Variants in ZBTB20 observed in about 807,000 individuals in gnomAD.
ZBTB20 encodes zinc finger and BTB domain-containing protein 20.
A neutral mutation model predicts 56.9 loss-of-function variants in ZBTB20; 9 were observed. That is an observed-to-expected ratio of 0.16 (90% confidence interval 0.10 to 0.28). The LOEUF is 0.28. ZBTB20 is among the 10% of genes least tolerant of loss of function. The pLI is 1.00. For missense variants in ZBTB20, 655 were observed against 1,003.0 expected (o/e 0.65, Z 4.69); for synonymous variants, 417 against 420.7 (o/e 0.99, Z 0.11).
At chr3:114,544,457 CTTTCTTTCTTTCTTTCTTTCTTTT>C (rs2049567790) in intron 6 of ZBTB20, among the ~76,000 whole-genome samples, 1 of 92,744 alleles carries the variant, frequency 1.1e-5, no homozygotes, top group Non-Finnish European at 2.1e-5. Flanking sequence ...TTCTTTCTTT[CTTTCTTTCTTTCTTTCTTTCTTTT>C]TCTTTCACTT....
chr3:115,053,468 C>T (rs2081629760), intron 2 of ZBTB20, among the ~76,000 whole-genome samples: 1 of 152,200 alleles, frequency 6.6e-6, no homozygotes, highest in African/African-American at 2.4e-5. Flanking sequence ...CCAACCATAA[C>T]TCCAATCTCA....
chr3:114,920,855 GA>G (rs1237925870), intron 3 of ZBTB20, among the ~76,000 whole-genome samples: 2 of 151,210 alleles, frequency 1.3e-5, no homozygotes, highest in Non-Finnish European at 2.9e-5. Context: ...ATTACCCAAG[GA>G]AAAAAAGAAA....
At chr3:114,655,242 CTTTTTTTTTTT>C (rs3085998) in intron 6 of ZBTB20, among the ~76,000 whole-genome samples, 1 of 91,676 alleles carries the variant, frequency 1.1e-5, no homozygotes, top group South Asian at 3.6e-4. Context: ...TTTTCCTTTC[CTTTTTTTTTTT>C]TTTTTTTTTT....
intron 1 of ZBTB20, among the ~76,000 whole-genome samples, chr3:115,133,430 TA>T (rs1158483639): frequency 6.6e-6 from 1 of 152,200 alleles, no homozygotes; most frequent in East Asian, 1.9e-4. Context: ...TTAAAGTATA[TA>T]ATTCAGTGAC....
At chr3:115,027,592 A>AAGTAT (rs1360641884) in intron 2 of ZBTB20, 1 of 150,996 alleles carries the variant, frequency 6.6e-6, no homozygotes, top group Admixed American at 6.6e-5. Flanking sequence ...AATAAAAGTA[A>AAGTAT]AGTATTCTTA....
chr3:114,388,580 T>G (rs1195578535), intron 8 of ZBTB20: 1 of 151,848 alleles, frequency 6.6e-6, no homozygotes, highest in African/African-American at 2.4e-5. Flanking sequence ...AGACAACAGG[T>G]AAATAAAACC....
chr3:114,937,428 C>CG, intron 3 of ZBTB20, among the ~76,000 whole-genome samples: 1 of 144,406 alleles, frequency 6.9e-6, no homozygotes, highest in East Asian at 2.0e-4. Context: ...TCTTCTTCTT[C>CG]TTTTTTTTTT....
chr3:114,565,785 C>T (rs1400078417), intron 6 of ZBTB20, among the ~76,000 whole-genome samples: 2 of 151,978 alleles, frequency 1.3e-5, no homozygotes, highest in Non-Finnish European at 2.9e-5. Flanking sequence ...ACCTTTTCTG[C>T]CACATTTAGA....
At chr3:114,777,586 C>A (rs979467603) in intron 5 of ZBTB20, among the ~76,000 whole-genome samples, 3 of 152,118 alleles carry the variant, frequency 2.0e-5, no homozygotes, top group Non-Finnish European at 4.4e-5. Context: ...ATTAAAAAGT[C>A]AGGAAACAAC....
rs1349241868 is a variant in ZBTB20, at chr3:114,575,590, AT to A, written c.-294-75200del. On this transcript the variant is annotated intron_variant, in intron 6 of 11. Coordinates refer to ENST00000675478, the MANE Select transcript of ZBTB20 (RefSeq NM_001348800.3). ...GGATTTGAAGAACTACCTTTAAAAA[AT>A]AAAAAAAAAAAAAATAGGAACTACT... Among the ~76,000 whole-genome samples, 544 of 133,488 alleles carry A rather than the reference AT, an allele frequency of 4.1e-3. 11 individuals carry two copies. Among genetic ancestry groups the A allele is most frequent in the Admixed American group, 0.026 (334 of 13,030 alleles). 87.6% of individuals were successfully genotyped at this position (133,488 alleles called of 152,430 possible).
intron 2 of ZBTB20, among the ~76,000 whole-genome samples, chr3:115,034,602 G>T (rs1026742659): frequency 1.3e-5 from 2 of 151,818 alleles, no homozygotes; most frequent in South Asian, 2.1e-4. Context: ...TAAATGAAAA[G>T]AATTGTGTTC....
intron 1 of ZBTB20, among the ~76,000 whole-genome samples, chr3:115,116,121 C>T (rs1035147709): frequency 6.6e-6 from 1 of 151,854 alleles, no homozygotes; most frequent in African/African-American, 2.4e-5. Context: ...TTTAGTTAAA[C>T]TAATCTGTCA....
chr3:115,074,376 C>T (rs1449298095), intron 1 of ZBTB20, among the ~76,000 whole-genome samples: 4 of 152,128 alleles, frequency 2.6e-5, no homozygotes, highest in Admixed American at 6.6e-5. Context: ...GAGCTCAACA[C>T]AGTACCTGTT....
intron 5 of ZBTB20, among the ~76,000 whole-genome samples, chr3:114,769,559 ATATATAT>A (rs1448638329): frequency 1.0e-4 from 1 of 9,818 alleles, no homozygotes; most frequent in East Asian, 0.12. Flanking sequence ...ATGCATATAT[ATATATAT>A]ATATATATAT....
intron 10 of ZBTB20, among the ~76,000 whole-genome samples, chr3:114,356,849 G>A (rs1404729978): frequency 1.3e-5 from 2 of 152,232 alleles, no homozygotes; most frequent in East Asian, 3.9e-4. Context: ...TTGCTAACAG[G>A]TTCCATCCAC....
chr3:115,021,367 A>G (rs1422572769), intron 2 of ZBTB20, among the ~76,000 whole-genome samples: 1 of 150,898 alleles, frequency 6.6e-6, no homozygotes, highest in Non-Finnish European at 1.5e-5. Context: ...AGCTTACTGT[A>G]AAGACTGGGG....
intron 7 of ZBTB20, among the ~76,000 whole-genome samples, chr3:114,394,348 T>C (rs2086153561): frequency 6.6e-6 from 1 of 152,176 alleles, no homozygotes; most frequent in South Asian, 2.1e-4. Flanking sequence ...CTTTTCACTA[T>C]ATAACAACTG....
intron 7 of ZBTB20, among the ~76,000 whole-genome samples, chr3:114,403,482 C>T (rs2087003001): frequency 6.6e-6 from 1 of 152,042 alleles, no homozygotes; most frequent in African/African-American, 2.4e-5. Context: ...CGTAAATCTG[C>T]TCTCACCTAT....
intron 2 of ZBTB20, among the ~76,000 whole-genome samples, chr3:115,030,286 T>C (rs1576604428): frequency 6.6e-6 from 1 of 151,100 alleles, no homozygotes; most frequent in South Asian, 2.1e-4. Flanking sequence ...ATTTCTGACA[T>C]CCCTTTAGAC....
Sources: allele counts gnomAD v4.1 joint callset (sites outside exome capture counted in the v4.1 genomes callset), GRCh38; gene constraint gnomAD v4.1.1; transcripts MANE v1.5; gene names NCBI Gene and HGNC (gene_info 2026-07-23, HGNC 2026-07-21).